The following GPHN variants were observed in gnomAD, a reference collection of about 807,000 sequenced individuals.
GPHN encodes the protein gephyrin.
In GPHN, 17 loss-of-function variants were observed where a neutral mutation model predicts 95.5. The observed-to-expected ratio is 0.18, with a 90% CI of 0.12 to 0.27. The LOEUF is 0.27. Among genes scored for constraint, GPHN ranks in the 10% least tolerant of loss-of-function variants. GPHN has a pLI of 1.00. For synonymous variants in GPHN, 320 were observed against 322.5 expected, an observed-to-expected ratio of 0.99 and a Z score of 0.08; for missense variants, 660 against 978.1, an observed-to-expected ratio of 0.67 and a Z score of 4.34.
chr14:66,866,132 A>C (rs977658498), intron 4 of GPHN, among the ~76,000 whole-genome samples: 3 of 152,136 alleles, frequency 2.0e-5, no homozygotes, highest in African/African-American at 4.8e-5. Context: ...CTGTTGTCCA[A>C]ACCTGAAAAA....
the GPHN span, among the ~76,000 whole-genome samples, chr14:67,595,436 C>A: frequency 6.6e-6 from 1 of 152,148 alleles, no homozygotes; most frequent in African/African-American, 2.4e-5. Flanking sequence ...ATAGACTGAA[C>A]AATTATAAAG....
the GPHN span, among the ~76,000 whole-genome samples, chr14:67,688,064 C>T: frequency 5.3e-5 from 8 of 151,994 alleles, no homozygotes; most frequent in East Asian, 3.9e-4. Flanking sequence ...TGAGCCACCG[C>T]GCCCGGCCTC....
intron 1 of GPHN, among the ~76,000 whole-genome samples, chr14:66,620,971 C>CT (rs897184769): frequency 2.4e-4 from 36 of 151,374 alleles, no homozygotes; most frequent in East Asian, 7.8e-4. Flanking sequence ...GCTATCAAAT[C>CT]TTTTTTTTTG....
At chr14:67,192,196 A>T in the GPHN span, among the ~76,000 whole-genome samples, 1 of 152,248 alleles carries the variant, frequency 6.6e-6, no homozygotes, top group Non-Finnish European at 1.5e-5. Flanking sequence ...CAAAAGGCAA[A>T]CATTGTTGGA....
chr14:67,457,076 C>T, the GPHN span, among the ~76,000 whole-genome samples: 13 of 152,262 alleles, frequency 8.5e-5, no homozygotes, highest in Non-Finnish European at 4.4e-5. Flanking sequence ...GAGCTAAACA[C>T]TGAGTACACA....
the GPHN span, among the ~76,000 whole-genome samples, chr14:67,356,266 C>T: frequency 6.6e-6 from 1 of 151,686 alleles, no homozygotes; most frequent in South Asian, 2.1e-4. Flanking sequence ...CCAAAAAATA[C>T]AAAAATTAGC....
At chr14:66,913,424 C>A (rs1348221968) in intron 5 of GPHN, among the ~76,000 whole-genome samples, 1 of 152,158 alleles carries the variant, frequency 6.6e-6, no homozygotes, top group Non-Finnish European at 1.5e-5. Context: ...TCATTGCAAC[C>A]TCCGCCTCCC....
the GPHN span, among the ~76,000 whole-genome samples, chr14:67,688,709 T>C: frequency 1.3e-5 from 2 of 152,042 alleles, no homozygotes; most frequent in African/African-American, 4.8e-5. Flanking sequence ...TGCCTGGGAT[T>C]AAAGGTGTGA....
At chr14:67,643,946 A>T in the GPHN span, among the ~76,000 whole-genome samples, 1 of 151,414 alleles carries the variant, frequency 6.6e-6, no homozygotes, top group Admixed American at 6.6e-5. Flanking sequence ...CCATTCAATT[A>T]AATCAACCAG....
chr14:66,872,411 T>C, intron 4 of GPHN, among the ~76,000 whole-genome samples: 1 of 152,320 alleles, frequency 6.6e-6, no homozygotes, highest in Non-Finnish European at 1.5e-5. Context: ...GGAAATGGAT[T>C]AAGTCATGTA....
chr14:66,744,322 A>G (rs1355640819), intron 2 of GPHN, among the ~76,000 whole-genome samples: 1 of 152,180 alleles, frequency 6.6e-6, no homozygotes, highest in Non-Finnish European at 1.5e-5. Context: ...GGGAAGGAAG[A>G]TCTGATCAGC....
At chr14:67,067,793 T>C (rs1327545823) in intron 11 of GPHN, among the ~76,000 whole-genome samples, 2 of 152,216 alleles carry the variant, frequency 1.3e-5, no homozygotes, top group Non-Finnish European at 2.9e-5. Flanking sequence ...GTCTGCCAGT[T>C]GCTAAGACTG....
At chr14:66,697,655 C>A (rs529425405) in intron 2 of GPHN, among the ~76,000 whole-genome samples, 2 of 148,232 alleles carry the variant, frequency 1.3e-5, no homozygotes, top group South Asian at 4.3e-4. Context: ...ATCTGGCCTG[C>A]TACTTGCCTT....
At chr14:67,407,672 C>G in the GPHN span, among the ~76,000 whole-genome samples, 48 of 152,136 alleles carry the variant, frequency 3.2e-4, no homozygotes, top group African/African-American at 1.1e-3. Context: ...AACTCCTGGC[C>G]TCAAGCAATC....
intron 1 of GPHN, among the ~76,000 whole-genome samples, chr14:66,656,113 C>T (rs2065292997): frequency 6.6e-6 from 1 of 152,092 alleles, no homozygotes; most frequent in Non-Finnish European, 1.5e-5. Flanking sequence ...ATATTCCCTT[C>T]ATAATATCCA....
At chr14:67,016,954 A>G (rs2073347910) in intron 9 of GPHN, among the ~76,000 whole-genome samples, 1 of 152,150 alleles carries the variant, frequency 6.6e-6, no homozygotes, top group South Asian at 2.1e-4. Context: ...ACTTTCACAT[A>G]CATTACCCTA....
At chr14:66,865,719 G>A (rs1342743095) in intron 4 of GPHN, among the ~76,000 whole-genome samples, 2 of 152,088 alleles carry the variant, frequency 1.3e-5, no homozygotes, top group African/African-American at 4.8e-5. Flanking sequence ...TTTATTCTGT[G>A]AAAAGAAATG....
At chr14:66,997,396 G>A (rs1594768980) in intron 9 of GPHN, among the ~76,000 whole-genome samples, 1 of 147,810 alleles carries the variant, frequency 6.8e-6, no homozygotes, top group South Asian at 2.1e-4. Context: ...AAGGACTTCA[G>A]TAGCCTATGA....
intron 12 of GPHN, among the ~76,000 whole-genome samples, chr14:67,089,559 A>T (rs1293148807): frequency 6.6e-6 from 1 of 152,150 alleles, no homozygotes; most frequent in Non-Finnish European, 1.5e-5. Flanking sequence ...GTTCCTACAC[A>T]TGCCAGACAG....
Sources: gnomAD v4.1 joint callset for allele counts (sites outside exome capture counted in the v4.1 genomes callset) on GRCh38, gnomAD v4.1.1 for gene constraint, MANE v1.5 for transcripts, NCBI Gene and HGNC (gene_info 2026-07-23, HGNC 2026-07-21) for gene names.